The following ZPBP variants were observed in gnomAD, a reference collection of about 807,000 sequenced individuals.
The protein encoded by ZPBP is zona pellucida-binding protein 1.
A neutral mutation model predicts 44.8 loss-of-function variants in ZPBP; 26 were observed. That is an observed-to-expected ratio of 0.58 (90% CI 0.43 to 0.81). The LOEUF is 0.81. Ranked by LOEUF, ZPBP falls within the 30% of genes least tolerant of loss-of-function variation. The probability of loss-of-function intolerance (pLI) is 0.00; values close to 1 mark genes in which losing one functional copy is unlikely to be tolerated. For synonymous variants in ZPBP, 174 were observed against 153.2 expected (o/e 1.14, Z -1.00); for missense variants, 409 against 434.0 (o/e 0.94, Z 0.51).
At chr7:49,916,014 G>A (rs1793703303) in intron 1 of ZPBP, 1 of 152,102 alleles carries the variant, frequency 6.6e-6, no homozygotes. Context: ...ACTTATTCAG[G>A]AATAAGTGCA....
chr7:50,007,292 A>G lies in ZPBP; in HGVS notation c.783+10948T>C, dbSNP rs1178695026. 1.3e-5 allele frequency among the ~76,000 whole-genome samples: 2 copies of G among 152,068 alleles called. 1 individual carries two copies. Among genetic ancestry groups the G allele is most frequent in the African/African-American group, 4.8e-5 (2 of 41,374 alleles). ...GTCAACAAATTGGATAACCTAGATA[A>G]AATGGACAAAGTCCTAGAAACATAC... On this transcript the variant is annotated intron_variant, in intron 6 of 7. Transcript: ENST00000046087.
intron 4 of ZPBP, among the ~76,000 whole-genome samples, chr7:50,046,095 T>C (rs1800343989): frequency 6.6e-6 from 1 of 152,226 alleles, no homozygotes. Context: ...GCTAGCCATA[T>C]GCAGAAAACT....
At chr7:50,021,589 A>G (rs1799094557) in intron 5 of ZPBP, among the ~76,000 whole-genome samples, 1 of 152,154 alleles carries the variant, frequency 6.6e-6, no homozygotes, top group African/African-American at 2.4e-5. Flanking sequence ...AAAAATGAGA[A>G]AGTGGCAAAA....
At chr7:49,898,821 C>G (rs1792540730) in intron 2 of ZPBP, among the ~76,000 whole-genome samples, 1 of 151,498 alleles carries the variant, frequency 6.6e-6, no homozygotes, top group Non-Finnish European at 1.5e-5. Flanking sequence ...CTAGGGCAAC[C>G]CCTATAAAAA....
chr7:49,892,607 G>C (rs1792191734), intron 2 of ZPBP, among the ~76,000 whole-genome samples: 1 of 152,172 alleles, frequency 6.6e-6, no homozygotes, highest in Non-Finnish European at 1.5e-5. Flanking sequence ...GCAGTTTCAT[G>C]CTGTGTTGGC....
intron 3 of ZPBP, among the ~76,000 whole-genome samples, chr7:50,067,098 G>A (rs562599271): frequency 1.3e-5 from 2 of 152,270 alleles, no homozygotes; most frequent in Admixed American, 6.5e-5. Flanking sequence ...TTGAAAGGGT[G>A]TACTGGGTCT....
At chr7:49,880,565 C>G (rs1791618246) in intron 2 of ZPBP, among the ~76,000 whole-genome samples, 2 of 150,900 alleles carry the variant, frequency 1.3e-5, no homozygotes, top group Admixed American at 6.6e-5. Context: ...GATTTTTTAT[C>G]ATTTCTATTT....
At chr7:49,877,898 G>A (rs1000981045) in intron 2 of ZPBP, among the ~76,000 whole-genome samples, 8 of 151,960 alleles carry the variant, frequency 5.3e-5, no homozygotes, top group African/African-American at 1.9e-4. Flanking sequence ...CTTGCATCTG[G>A]GCAAAATGTT....
intron 5 of ZPBP, among the ~76,000 whole-genome samples, chr7:50,019,553 A>G (rs1798988792): frequency 1.3e-5 from 2 of 152,166 alleles, no homozygotes; most frequent in South Asian, 4.1e-4. Flanking sequence ...TTTACCTAGT[A>G]TGTCATGTAA....
chr7:49,886,120 G>A (rs1791894631), intron 2 of ZPBP, among the ~76,000 whole-genome samples: 1 of 152,226 alleles, frequency 6.6e-6, no homozygotes, highest in South Asian at 2.1e-4. Flanking sequence ...AGTGTCTGAA[G>A]CCCCTGGGCT....
rs1465114283 is a variant in ZPBP, at chr7:49,877,482, ATAT to A, written n.509+23633_509+23635del. Reference sequence around the variant, plus strand: ...TGTCTCAAAAAAAAAAAAAAAAAAAATATATATATATATATATATATATATATA... The same window carrying A: ...TGTCTCAAAAAAAAAAAAAAAAAAAAATATATATATATATATATATATATA... On this transcript the variant is annotated intron_variant and non_coding_transcript_variant, in intron 2 of 2. Coordinates refer to the ZPBP transcript ENST00000465922. 4.7e-3 allele frequency among the ~76,000 whole-genome samples: 96 copies of A among 20,344 alleles called. 22 individuals carry two copies. The highest frequency in any genetic ancestry group is 0.014 in the East Asian group (7 of 490). 13.3% of individuals were successfully genotyped at this position (20,344 alleles called of 152,430 possible).
intron 4 of ZPBP, among the ~76,000 whole-genome samples, chr7:50,057,587 C>A (rs1251519317): frequency 6.6e-6 from 1 of 152,196 alleles, no homozygotes; most frequent in South Asian, 2.1e-4. Context: ...AAAGGTCAAT[C>A]CACCAGAAAA....
chr7:50,091,420 T>A (rs1258480561), intron 1 of ZPBP, among the ~76,000 whole-genome samples: 1 of 152,102 alleles, frequency 6.6e-6, no homozygotes, highest in Non-Finnish European at 1.5e-5. Context: ...GGTGCTGGGA[T>A]AATTGGAAAG....
chr7:49,875,099 C>T (rs1337574012), intron 2 of ZPBP, among the ~76,000 whole-genome samples: 1 of 151,610 alleles, frequency 6.6e-6, no homozygotes, highest in Non-Finnish European at 1.5e-5. Flanking sequence ...TGGCCGGGCA[C>T]GGTGGCTCAT....
At chr7:49,994,360 C>T (rs955161222) in intron 6 of ZPBP, among the ~76,000 whole-genome samples, 3 of 152,142 alleles carry the variant, frequency 2.0e-5, no homozygotes, top group African/African-American at 7.2e-5. Flanking sequence ...ATAGGTTCAG[C>T]CTGGGAGAGA....
chr7:49,871,117 CA>C lies in ZPBP; in HGVS notation n.510-20604del, dbSNP rs553133817. 3.2e-3 allele frequency among the ~76,000 whole-genome samples: 481 copies of C among 152,164 alleles called. 6 individuals carry two copies. The highest frequency in any genetic ancestry group is 0.011 in the African/African-American group (448 of 41,500). On this transcript the variant is annotated intron_variant and non_coding_transcript_variant, in intron 2 of 2. Transcript: ENST00000465922. ...CAAGAAGGACTTCAAAGTAGTATTT[CA>C]TAAATACAAAAGGTGATAAAGGAAT...
chr7:49,897,695 G>C (rs1452973280), intron 2 of ZPBP, among the ~76,000 whole-genome samples: 3 of 152,212 alleles, frequency 2.0e-5, no homozygotes, highest in Non-Finnish European at 4.4e-5. Flanking sequence ...TGAGCAGAAA[G>C]CTCCATGGGA....
intron 7 of ZPBP, among the ~76,000 whole-genome samples, chr7:49,945,063 A>G (rs1795045562): frequency 6.6e-6 from 1 of 152,106 alleles, no homozygotes; most frequent in Non-Finnish European, 1.5e-5. Flanking sequence ...CATTTGTTTC[A>G]AGACATTTTA....
chr7:50,007,845 A>C (rs1045051606), intron 6 of ZPBP, among the ~76,000 whole-genome samples: 1 of 151,950 alleles, frequency 6.6e-6, no homozygotes, highest in Non-Finnish European at 1.5e-5. Context: ...CACTAAAAAA[A>C]CTTCAGAATA....
Sources: gnomAD v4.1 joint callset for allele counts (sites outside exome capture counted in the v4.1 genomes callset) on GRCh38, gnomAD v4.1.1 for gene constraint, MANE v1.5 for transcripts, NCBI Gene and HGNC (gene_info 2026-07-23, HGNC 2026-07-21) for gene names.